The following CACNA2D1 variants were observed in gnomAD, a reference collection of about 807,000 sequenced individuals.
CACNA2D1 encodes voltage-dependent calcium channel subunit alpha-2/delta-1.
CACNA2D1 carries 53 observed loss-of-function variants against 171.5 expected under a neutral mutation model. The observed-to-expected ratio is 0.31, with a 90% confidence interval of 0.25 to 0.39. The LOEUF is 0.39. Ranked by LOEUF, CACNA2D1 falls within the 10% of genes least tolerant of loss-of-function variation. CACNA2D1 has a pLI of 1.00. For missense variants in CACNA2D1, 903 were observed against 1,299.8 expected (o/e 0.69, Z 4.69); for synonymous variants, 442 against 443.1 (o/e 1.00, Z 0.03).
intron 1 of CACNA2D1, among the ~76,000 whole-genome samples, chr7:82,420,636 T>G (rs1828627433): frequency 1.3e-5 from 2 of 152,204 alleles, no homozygotes; most frequent in South Asian, 4.1e-4. Flanking sequence ...TCTTATAAAA[T>G]GCTAAAAATC....
At chr7:82,011,217 G>A (rs1799733930) in intron 15 of CACNA2D1, among the ~76,000 whole-genome samples, 1 of 152,086 alleles carries the variant, frequency 6.6e-6, no homozygotes. Context: ...GCCACACTGA[G>A]AGAAGATGAA....
chr7:82,410,822 T>C (rs1400732830), intron 1 of CACNA2D1, among the ~76,000 whole-genome samples: 1 of 152,208 alleles, frequency 6.6e-6, no homozygotes, highest in East Asian at 1.9e-4. Flanking sequence ...TATCCCTCAC[T>C]TTCAGAAATG....
At chr7:82,196,556 G>C (rs1231410271) in intron 3 of CACNA2D1, among the ~76,000 whole-genome samples, 3 of 151,988 alleles carry the variant, frequency 2.0e-5, no homozygotes, top group Non-Finnish European at 4.4e-5. Context: ...GATGATTTAG[G>C]CTTGGAGCTT....
At chr7:82,410,603 G>A (rs1324850198) in intron 1 of CACNA2D1, 8 of 730,500 alleles carry the variant, frequency 1.1e-5, no homozygotes, top group Non-Finnish European at 1.3e-5. Context: ...ACCTGTCAAG[G>A]GAGGCAGACT....
chr7:82,111,306 A>C (rs954038745), intron 6 of CACNA2D1, among the ~76,000 whole-genome samples: 3 of 104,380 alleles, frequency 2.9e-5, no homozygotes, highest in Non-Finnish European at 6.2e-5. Context: ...ATATATATAT[A>C]TATATATACG....
intron 3 of CACNA2D1, among the ~76,000 whole-genome samples, chr7:82,195,337 G>C (rs940224389): frequency 1.3e-5 from 2 of 151,886 alleles, no homozygotes; most frequent in Non-Finnish European, 2.9e-5. Context: ...TGGTATTAGG[G>C]AAGGTTCCAT....
chr7:82,396,677 A>T (rs1825788981), intron 1 of CACNA2D1, among the ~76,000 whole-genome samples: 1 of 152,164 alleles, frequency 6.6e-6, no homozygotes, highest in Non-Finnish European at 1.5e-5. Context: ...TTGAAGCTTG[A>T]CTTTCCTGGC....
chr7:81,954,500 C>T (rs996254239), intron 38 of CACNA2D1, among the ~76,000 whole-genome samples: 2 of 151,934 alleles, frequency 1.3e-5, no homozygotes, highest in African/African-American at 2.4e-5. Flanking sequence ...ATACAGCATG[C>T]GTTACCAGTG....
intron 3 of CACNA2D1, among the ~76,000 whole-genome samples, chr7:82,250,302 A>T (rs1031676952): frequency 6.6e-6 from 1 of 152,248 alleles, no homozygotes; most frequent in East Asian, 1.9e-4. Context: ...AACTGTCTCT[A>T]CTGCTCTTCT....
At chr7:82,056,413 C>T (rs1805914863) in intron 10 of CACNA2D1, among the ~76,000 whole-genome samples, 1 of 152,148 alleles carries the variant, frequency 6.6e-6, no homozygotes, top group Non-Finnish European at 1.5e-5. Context: ...TCAATGTGTG[C>T]TAGAGAACAT....
At position 81,947,913 on chromosome 7, in the gene CACNA2D1, G is replaced by C. The variant is rs1346657081; in HGVS notation, c.*2479C>G. On this transcript the variant is annotated 3_prime_UTR_variant, in exon 39 of 39. Transcript: ENST00000356860. ...GGTTGTCATAATATATAACTTTATA[G>C]CAGAAAATAAAGGTTTATAGCAAAA... The C allele has an allele frequency of 6.6e-6, 1 of 151,648 alleles. No individual in the cohort carries two copies. Among genetic ancestry groups the C allele is most frequent in the East Asian group, 1.9e-4 (1 of 5,166 alleles). 9.4% of individuals were successfully genotyped at this position (151,648 alleles called of 1,614,324 possible). A position where few individuals can be genotyped will look rare whatever the true frequency, so the allele number is the denominator to read the frequency against.
intron 1 of CACNA2D1, among the ~76,000 whole-genome samples, chr7:82,414,495 A>C (rs1263542866): frequency 6.6e-6 from 1 of 152,206 alleles, no homozygotes; most frequent in East Asian, 1.9e-4. Context: ...GGGAAGACCT[A>C]CTAAACCTAA....
chr7:82,083,935 C>G (rs2129010327), intron 7 of CACNA2D1, among the ~76,000 whole-genome samples: 1 of 152,232 alleles, frequency 6.6e-6, no homozygotes, highest in South Asian at 2.1e-4. Flanking sequence ...AAGAATTATG[C>G]TGTTTAAGGT....
At chr7:81,966,014 A>G (rs2130343553) in intron 31 of CACNA2D1, among the ~76,000 whole-genome samples, 1 of 151,844 alleles carries the variant, frequency 6.6e-6, no homozygotes, top group East Asian at 1.9e-4. Context: ...AACTGATTTA[A>G]ACACATACTT....
chr7:82,005,556 A>G, intron 17 of CACNA2D1, 59 bp from the exon 18 acceptor site: 1 of 1,066,980 alleles, frequency 9.4e-7, no homozygotes, highest in East Asian at 2.6e-5. Context: ...AGAAATCTAT[A>G]TTCTTTTAAA....
chr7:82,123,958 T>C (rs1369723817), intron 5 of CACNA2D1, among the ~76,000 whole-genome samples: 1 of 152,006 alleles, frequency 6.6e-6, no homozygotes, highest in Non-Finnish European at 1.5e-5. Flanking sequence ...TATGTATATA[T>C]AATATATGCT....
intron 20 of CACNA2D1, among the ~76,000 whole-genome samples, chr7:81,993,829 C>T (rs747127603): frequency 6.6e-6 from 1 of 151,774 alleles, no homozygotes; most frequent in Non-Finnish European, 1.5e-5. Flanking sequence ...AAGTAATTTG[C>T]AATAAATTGA....
At chr7:81,999,123 A>C (rs2130812897) in intron 18 of CACNA2D1, among the ~76,000 whole-genome samples, 1 of 152,288 alleles carries the variant, frequency 6.6e-6, no homozygotes, top group South Asian at 2.1e-4. Flanking sequence ...AACAGCATGC[A>C]TGGAGGAGGC....
chr7:82,386,780 A>T (rs894300355), intron 1 of CACNA2D1, among the ~76,000 whole-genome samples: 2 of 150,110 alleles, frequency 1.3e-5, no homozygotes, highest in African/African-American at 4.9e-5. Context: ...ATAAATAAAT[A>T]AAATAACTAA....
Sources: allele counts gnomAD v4.1 joint callset (sites outside exome capture counted in the v4.1 genomes callset), GRCh38; gene constraint gnomAD v4.1.1; transcripts MANE v1.5; gene names NCBI Gene and HGNC (gene_info 2026-07-23, HGNC 2026-07-21).